Variants in LRRC7 observed in about 807,000 individuals in gnomAD.
LRRC7 encodes the protein leucine-rich repeat-containing protein 7.
LRRC7 carries 23 observed loss-of-function variants against 175.7 expected under a neutral mutation model. The observed-to-expected ratio is 0.13, with a 90% CI of 0.09 to 0.19. LRRC7 has a LOEUF of 0.19. LRRC7 is among the 10% of genes least tolerant of loss of function. The pLI, the probability that LRRC7 is intolerant of heterozygous loss-of-function variation, is 1.00. For missense variants in LRRC7, 1,354 were observed against 1,904.7 expected (o/e 0.71, Z 5.38); for synonymous variants, 685 against 680.9 (o/e 1.01, Z -0.09).
chr1:69,661,424 C>A (rs1020263597), intron 1 of LRRC7, among the ~76,000 whole-genome samples: 1 of 152,152 alleles, frequency 6.6e-6, no homozygotes, highest in Non-Finnish European at 1.5e-5. Flanking sequence ...GAAATTATAA[C>A]CATGAGTGTG....
chr1:69,795,923 T>C (rs28631265), intron 4 of LRRC7, among the ~76,000 whole-genome samples: 3 of 151,346 alleles, frequency 2.0e-5, no homozygotes, highest in Non-Finnish European at 4.4e-5. Context: ...TTTTTTTTTG[T>C]TTTTTTCTTA....
Position 70,124,610 on chromosome 1 carries a change from G to T in LRRC7, c.*2723G>T, listed in dbSNP as rs907515596. ...GAATAGAATCACTAAACACTTGAGGGGTATAAACCTCACTAATTCTATAGG... is the reference window on the plus strand; with the variant it reads ...GAATAGAATCACTAAACACTTGAGGTGTATAAACCTCACTAATTCTATAGG... On this transcript the variant is annotated 3_prime_UTR_variant, in exon 27 of 27. Coordinates refer to ENST00000651989, the MANE Select transcript of LRRC7 (RefSeq NM_001370785.2). 4.0e-5 allele frequency among the ~76,000 whole-genome samples: 6 copies of T among 151,622 alleles called. No individual in the cohort carries two copies. The highest frequency in any genetic ancestry group is 1.5e-4 in the African/African-American group (6 of 41,268).
chr1:69,796,925 G>T (rs1452461580), intron 4 of LRRC7, among the ~76,000 whole-genome samples: 1 of 151,884 alleles, frequency 6.6e-6, no homozygotes, highest in Non-Finnish European at 1.5e-5. Context: ...TTTTTACATT[G>T]TATATGTTTT....
intron 4 of LRRC7, among the ~76,000 whole-genome samples, chr1:69,800,400 G>A (rs949400025): frequency 1.3e-5 from 2 of 151,552 alleles, no homozygotes; most frequent in Admixed American, 6.6e-5. Flanking sequence ...CATTTCTTTG[G>A]GTCATCTACA....
At chr1:70,040,354 A>C (rs1659766045) in intron 21 of LRRC7, among the ~76,000 whole-genome samples, 1 of 152,204 alleles carries the variant, frequency 6.6e-6, no homozygotes, top group South Asian at 2.1e-4. Context: ...ACATTATTTT[A>C]TTTAATAAAA....
intron 3 of LRRC7, among the ~76,000 whole-genome samples, chr1:69,771,821 T>C (rs1193954518): frequency 6.6e-6 from 1 of 152,040 alleles, no homozygotes; most frequent in East Asian, 1.9e-4. Flanking sequence ...CAAACGCCAT[T>C]ATGAAAATAA....
intron 4 of LRRC7, among the ~76,000 whole-genome samples, chr1:69,805,823 A>G (rs1422582150): frequency 6.6e-6 from 1 of 151,864 alleles, no homozygotes; most frequent in Non-Finnish European, 1.5e-5. Flanking sequence ...ATAATGCCTT[A>G]TGTGTTTCAC....
intron 2 of LRRC7, among the ~76,000 whole-genome samples, chr1:69,693,227 A>G (rs1238815617): frequency 6.6e-6 from 1 of 152,178 alleles, no homozygotes; most frequent in Non-Finnish European, 1.5e-5. Context: ...ATATAGATAT[A>G]GATGATATAG....
chr1:69,960,595 G>GT (rs796693354), intron 8 of LRRC7, among the ~76,000 whole-genome samples: 3,722 of 140,804 alleles, frequency 0.026, 123 homozygotes, highest in African/African-American at 0.081. Flanking sequence ...AATCTTTCTA[G>GT]TTTTTTTTTT....
At chr1:69,589,715 G>A (rs1450948962) in intron 1 of LRRC7, among the ~76,000 whole-genome samples, 1 of 152,132 alleles carries the variant, frequency 6.6e-6, no homozygotes, top group East Asian at 1.9e-4. Flanking sequence ...CACCCACTAG[G>A]ATTCACACTA....
chr1:69,582,041 C>T (rs762964153), intron 1 of LRRC7, among the ~76,000 whole-genome samples: 31 of 152,272 alleles, frequency 2.0e-4, no homozygotes, highest in Non-Finnish European at 4.0e-4. Flanking sequence ...TTGTCCCATA[C>T]GTGGTATCTT....
intron 7 of LRRC7, among the ~76,000 whole-genome samples, chr1:69,926,436 G>T (rs908283528): frequency 2.2e-5 from 3 of 136,854 alleles, no homozygotes; most frequent in African/African-American, 5.2e-5. Flanking sequence ...TTATTGTGTG[G>T]GAGTCTAAGT....
At chr1:69,950,292 G>A (rs1284618856) in intron 8 of LRRC7, among the ~76,000 whole-genome samples, 1 of 152,026 alleles carries the variant, frequency 6.6e-6, no homozygotes, top group Non-Finnish European at 1.5e-5. Flanking sequence ...GGAGGGAAAG[G>A]CAGAGAGGTC....
At chr1:69,800,699 T>G in intron 4 of LRRC7, among the ~76,000 whole-genome samples, 1 of 152,080 alleles carries the variant, frequency 6.6e-6, no homozygotes, top group South Asian at 2.1e-4. Flanking sequence ...ATCATTTCAC[T>G]TTCCCTTTTC....
chr1:69,568,812 G>A (rs1329631078), intron 1 of LRRC7, among the ~76,000 whole-genome samples, 171 bp downstream of exon 1: 1 of 152,166 alleles, frequency 6.6e-6, no homozygotes, highest in Non-Finnish European at 1.5e-5. Context: ...GGGAGGCGGC[G>A]AAGATGTGGT....
intron 8 of LRRC7, among the ~76,000 whole-genome samples, chr1:69,937,375 A>G (rs1648152326): frequency 6.6e-6 from 1 of 152,098 alleles, no homozygotes; most frequent in South Asian, 2.1e-4. Context: ...TAGCATGAAC[A>G]AGTACTAAAT....
rs754971717 is a variant in LRRC7 at position 69,717,770 on chromosome 1, AAAAGAAAGAAAGAAAGAAAGAAAGAAAG to A, written c.100+39336_100+39363del. Among the ~76,000 whole-genome samples, 80 of 42,418 alleles carry A rather than the reference AAAAGAAAGAAAGAAAGAAAGAAAGAAAG, an allele frequency of 1.9e-3. 6 individuals carry two copies. The highest frequency in any genetic ancestry group is 2.9e-3 in the Non-Finnish European group (67 of 23,332). 27.8% of individuals were successfully genotyped at this position (42,418 alleles called of 152,430 possible). ...GATATTGGAACATGAAAAAAAGAAAAAAAGAAAGAAAGAAAGAAAGAAAGAAAGAAAGAAAGAAAGAAAGAAAGAAAGA... is the reference window on the plus strand; with the variant it reads ...GATATTGGAACATGAAAAAAAGAAAAAAAGAAAGAAAGAAAGAAAGAAAGA... On this transcript the variant is annotated intron_variant, in intron 2 of 26. Transcript: ENST00000651989.
chr1:69,654,597 A>G (rs1010813435), intron 1 of LRRC7, among the ~76,000 whole-genome samples: 1 of 152,140 alleles, frequency 6.6e-6, no homozygotes, highest in African/African-American at 2.4e-5. Flanking sequence ...TAGTTATGCT[A>G]GGTGAAGAAG....
chr1:69,773,525 G>A (rs1177620260), intron 3 of LRRC7, among the ~76,000 whole-genome samples: 1 of 152,100 alleles, frequency 6.6e-6, no homozygotes, highest in African/African-American at 2.4e-5. Flanking sequence ...CTTATAAAAG[G>A]AATTAAGGGC....
Sources: gnomAD v4.1 joint callset for allele counts (sites outside exome capture counted in the v4.1 genomes callset) on GRCh38, gnomAD v4.1.1 for gene constraint, MANE v1.5 for transcripts, NCBI Gene and HGNC (gene_info 2026-07-23, HGNC 2026-07-21) for gene names.